C12orf56: variants seen among roughly 807,000 people sequenced by gnomAD.
C12orf56 encodes the protein chromosome 12 open reading frame 56, also known as uncharacterized protein C12orf56.
In C12orf56, 71 loss-of-function variants were observed where a neutral mutation model predicts 69.9. The observed-to-expected ratio is 1.02, with a 90% CI of 0.84 to 1.24. C12orf56 has a LOEUF of 1.24. Among genes scored for constraint, C12orf56 ranks in the 50% most tolerant of loss-of-function variants. C12orf56 has a pLI of 0.00. For missense variants in C12orf56, 732 were observed against 738.5 expected, an observed-to-expected ratio of 0.99 and a Z score of 0.10; for synonymous variants, 276 against 274.1, an observed-to-expected ratio of 1.01 and a Z score of -0.07.
At chr12:64,344,209 T>C (rs1031469402) in intron 2 of C12orf56, among the ~76,000 whole-genome samples, 5 of 152,162 alleles carry the variant, frequency 3.3e-5, no homozygotes, top group Admixed American at 1.3e-4. Context: ...GGAGAAAGAT[T>C]CACTGCATAA....
chr12:64,284,559 G>T, intron 8 of C12orf56, 105 bp downstream of exon 8: 1 of 712,692 alleles, frequency 1.4e-6, no homozygotes, highest in Non-Finnish European at 2.2e-6. Flanking sequence ...ACTTGGAAGG[G>T]TGTTGAACAG....
chr12:64,324,808 G>A (rs992925619), intron 3 of C12orf56, among the ~76,000 whole-genome samples: 3 of 152,186 alleles, frequency 2.0e-5, no homozygotes, highest in African/African-American at 7.2e-5. Context: ...AGGTGTTGCA[G>A]AAGTGATGAG....
At chr12:64,353,794 G>T (rs2039266684) in intron 1 of C12orf56, among the ~76,000 whole-genome samples, 1 of 152,132 alleles carries the variant, frequency 6.6e-6, no homozygotes, top group African/African-American at 2.4e-5. Context: ...CAATTCTCGT[G>T]CCTCAGCCTC....
chr12:64,337,193 C>T lies in C12orf56; in HGVS notation c.416-6161G>A, dbSNP rs139657286. Reference sequence around the variant, plus strand: ...TACAGATATGTCTGAGTTGTTTTTACTCACTTCAGACACCAAGTGTGTAAT... The same window carrying T: ...TACAGATATGTCTGAGTTGTTTTTATTCACTTCAGACACCAAGTGTGTAAT... On this transcript the variant is annotated intron_variant, in intron 2 of 12. Coordinates refer to ENST00000543942, the MANE Select transcript of C12orf56 (RefSeq NM_001170633.2). Among the ~76,000 whole-genome samples, 1,011 of 152,222 alleles carry T rather than the reference C, an allele frequency of 6.6e-3. 32 individuals are homozygous for T. Among genetic ancestry groups the T allele is most frequent in the Admixed American group, 0.055 (835 of 15,302 alleles).
At chr12:64,297,536 C>T (rs1411024557) in intron 6 of C12orf56, among the ~76,000 whole-genome samples, 1 of 152,120 alleles carries the variant, frequency 6.6e-6, no homozygotes, top group South Asian at 2.1e-4. Context: ...CTCCCCTATT[C>T]CCCCGTCCGC....
chr12:64,317,789 G>T (rs2038708708), intron 4 of C12orf56, among the ~76,000 whole-genome samples: 1 of 151,990 alleles, frequency 6.6e-6, no homozygotes, highest in Non-Finnish European at 1.5e-5. Flanking sequence ...TTGCATTTCA[G>T]TTTCTTCATT....
intron 6 of C12orf56, among the ~76,000 whole-genome samples, chr12:64,300,567 C>T (rs1054462182): frequency 4.6e-5 from 7 of 152,098 alleles, no homozygotes; most frequent in Admixed American, 2.6e-4. Context: ...GAGCACTGTC[C>T]TAAGTCCTTT....
At chr12:64,314,643 C>CTT (rs151154285) in intron 4 of C12orf56, among the ~76,000 whole-genome samples, 2 of 144,252 alleles carry the variant, frequency 1.4e-5, no homozygotes, top group Non-Finnish European at 1.5e-5. Flanking sequence ...TGCAGACAAG[C>CTT]TTTTTTTTTT....
intron 1 of C12orf56, among the ~76,000 whole-genome samples, chr12:64,384,990 G>T (rs1471064366): frequency 1.3e-5 from 2 of 151,140 alleles, no homozygotes. Context: ...GGAGGTGGAA[G>T]TTGCAGTGAG....
Position 64,266,722 on chromosome 12 carries a change from T to C in C12orf56, c.*461A>G, listed in dbSNP as rs898603008. 2 of 397,312 alleles carry C rather than the reference T, an allele frequency of 5.0e-6. No individual in the cohort carries two copies. The highest frequency in any genetic ancestry group is 8.2e-5 in the Admixed American group (2 of 24,382). The allele number at this position is 397,312 out of a possible 1,614,324, so 24.6% of individuals were successfully genotyped here. On this transcript the variant is annotated 3_prime_UTR_variant, in exon 13 of 13. Transcript: ENST00000543942. ...AAGATAAAACACCTTGAGAAGAACTTGAATGCCCATGCCTCAGGCCCCCAC... is the reference window on the plus strand; with the variant it reads ...AAGATAAAACACCTTGAGAAGAACTCGAATGCCCATGCCTCAGGCCCCCAC...
chr12:64,385,546 T>G (rs1478492339), intron 1 of C12orf56, among the ~76,000 whole-genome samples: 1 of 152,176 alleles, frequency 6.6e-6, no homozygotes, highest in Non-Finnish European at 1.5e-5. Context: ...GTGCTTGAGA[T>G]ATTTTGCAGA....
At chr12:64,299,312 C>T (rs1453060261) in intron 6 of C12orf56, among the ~76,000 whole-genome samples, 1 of 152,194 alleles carries the variant, frequency 6.6e-6, no homozygotes, top group East Asian at 1.9e-4. Context: ...TCTAAATATA[C>T]AATCATGTCA....
intron 9 of C12orf56, among the ~76,000 whole-genome samples, chr12:64,277,442 T>C (rs754966592): frequency 3.3e-5 from 5 of 152,094 alleles, no homozygotes; most frequent in African/African-American, 9.7e-5. Flanking sequence ...TTAAGACATA[T>C]AAAAGGGATA....
chr12:64,372,605 C>G (rs1474297914), intron 1 of C12orf56, among the ~76,000 whole-genome samples: 1 of 152,184 alleles, frequency 6.6e-6, no homozygotes, highest in African/African-American at 2.4e-5. Flanking sequence ...ACCACTGCCT[C>G]CAGGTTCAAG....
At chr12:64,314,977 G>A (rs566582125) in intron 4 of C12orf56, among the ~76,000 whole-genome samples, 19 of 87,316 alleles carry the variant, frequency 2.2e-4, no homozygotes, top group African/African-American at 8.1e-4. Flanking sequence ...TTGAGACGGA[G>A]TTTAGCTCTT....
intron 1 of C12orf56, among the ~76,000 whole-genome samples, chr12:64,376,531 G>T (rs1366646968): frequency 2.6e-5 from 4 of 152,062 alleles, no homozygotes; most frequent in Non-Finnish European, 4.4e-5. Flanking sequence ...GTGACTTGCT[G>T]CACAGATCAT....
At chr12:64,322,985 G>A (rs2038791400) in intron 3 of C12orf56, among the ~76,000 whole-genome samples, 1 of 152,178 alleles carries the variant, frequency 6.6e-6, no homozygotes, top group Admixed American at 6.5e-5. Flanking sequence ...TTTCAGCAGT[G>A]TGTCATTTAT....
intron 2 of C12orf56, among the ~76,000 whole-genome samples, chr12:64,344,482 G>A (rs2039114986): frequency 6.6e-6 from 1 of 152,172 alleles, no homozygotes; most frequent in Non-Finnish European, 1.5e-5. Flanking sequence ...AACTCTATGT[G>A]AGTCAGACTA....
intron 1 of C12orf56, among the ~76,000 whole-genome samples, chr12:64,380,104 C>CAAAAAAAAAAAA (rs60079906): frequency 3.4e-4 from 17 of 49,976 alleles, no homozygotes; most frequent in African/African-American, 4.5e-4. Flanking sequence ...GACTCCGTCG[C>CAAAAAAAAAAAA]AAAAAAAAAA....
Sources: allele counts gnomAD v4.1 joint callset (sites outside exome capture counted in the v4.1 genomes callset), GRCh38; gene constraint gnomAD v4.1.1; transcripts MANE v1.5; gene names NCBI Gene and HGNC (gene_info 2026-07-23, HGNC 2026-07-21).